KLF8: variants seen among roughly 807,000 people sequenced by gnomAD.
The protein encoded by KLF8 is KLF transcription factor 8.
KLF8 carries 10 observed loss-of-function variants against 18.2 expected under a neutral mutation model. That is an observed-to-expected ratio of 0.55 (90% CI 0.34 to 0.93). The LOEUF is 0.93. Among genes scored for constraint, KLF8 ranks in the 40% least tolerant of loss-of-function variants. The pLI, the probability that KLF8 is intolerant of heterozygous loss-of-function variation, is 0.02. For synonymous variants in KLF8, 109 were observed against 97.3 expected (o/e 1.12, Z -0.71); for missense variants, 264 against 277.9 (o/e 0.95, Z 0.36).
chrX:56,004,427 A>G, the KLF8 span, among the ~76,000 whole-genome samples: 5 of 112,165 alleles, frequency 4.5e-5, no homozygotes, highest in Non-Finnish European at 7.5e-5. Context: ...AAAACCACAA[A>G]GAATAGTGTA....
At chrX:56,214,573 T>A in the KLF8 span, among the ~76,000 whole-genome samples, 5 of 112,272 alleles carry the variant, frequency 4.5e-5, no homozygotes, top group Non-Finnish European at 9.4e-5. Context: ...ATGACTGGTA[T>A]CCTTATGAAA....
chrX:56,147,211 C>T, the KLF8 span, among the ~76,000 whole-genome samples: 1 of 111,826 alleles, frequency 8.9e-6, no homozygotes, highest in South Asian at 3.7e-4. Flanking sequence ...AGAGAAGGAG[C>T]CTAAGGCTTG....
At chrX:56,038,366 A>G in the KLF8 span, among the ~76,000 whole-genome samples, 1 of 111,202 alleles carries the variant, frequency 9.0e-6, no homozygotes, top group Non-Finnish European at 1.9e-5. Context: ...TGATGGTGTC[A>G]CTCACCCCAC....
At chrX:56,146,063 C>T in the KLF8 span, among the ~76,000 whole-genome samples, 3 of 112,053 alleles carry the variant, frequency 2.7e-5, no homozygotes, top group Admixed American at 9.5e-5. Context: ...CAGGAAACAA[C>T]AGATGCTGGA....
chrX:56,081,355 T>A, the KLF8 span, among the ~76,000 whole-genome samples: 65 of 112,220 alleles, frequency 5.8e-4, no homozygotes, highest in South Asian at 0.024. Flanking sequence ...TGATTTGATT[T>A]ATGTATATGG....
At chrX:56,102,039 G>A in the KLF8 span, among the ~76,000 whole-genome samples, 12 of 111,356 alleles carry the variant, frequency 1.1e-4, no homozygotes, top group Non-Finnish European at 2.3e-4. Flanking sequence ...CTGGTATAAA[G>A]AAGGGAATTT....
chrX:56,265,737 T>C lies in KLF8; in HGVS notation c.639T>C (p.Ala213=), dbSNP rs1378820959. 6 of 1,197,087 alleles carry C rather than the reference T, an allele frequency of 5.0e-6. No individual in the cohort carries two copies. The Admixed American group carries it at 6.6e-5, about 13-fold the overall frequency. Residue 213 remains alanine, a synonymous_variant, in exon 3 of 6, where the codon GCT becomes GCC. Transcript: ENST00000468660. ...VPLIGGDGKN[A]GSVKVDPTSM... ...TCATTGGAGGAGATGGTAAAAATGC[T>C]GGATCAGGTAAGTAACAATATTGCC...
At chrX:56,139,340 G>A in the KLF8 span, among the ~76,000 whole-genome samples, 1 of 111,366 alleles carries the variant, frequency 9.0e-6, no homozygotes. Context: ...AGCTCGAACG[G>A]CCAAAACAAT....
chrX:56,016,941 CT>C, the KLF8 span, among the ~76,000 whole-genome samples: 19 of 111,572 alleles, frequency 1.7e-4, no homozygotes, highest in Non-Finnish European at 3.4e-4. Flanking sequence ...ATAAAGTAAA[CT>C]TTTTATAATA....
At chrX:56,131,207 G>A in the KLF8 span, among the ~76,000 whole-genome samples, 1 of 111,840 alleles carries the variant, frequency 8.9e-6, no homozygotes, top group East Asian at 2.8e-4. Context: ...CTAAAGTCAA[G>A]ATGAAGAAAA....
chrX:56,054,315 T>C, the KLF8 span, among the ~76,000 whole-genome samples: 1 of 111,257 alleles, frequency 9.0e-6, no homozygotes, highest in Non-Finnish European at 1.9e-5. Flanking sequence ...GAACAAACTT[T>C]TTGATTTCTA....
At chrX:56,134,958 G>C in the KLF8 span, among the ~76,000 whole-genome samples, 8 of 111,330 alleles carry the variant, frequency 7.2e-5, no homozygotes, top group African/African-American at 2.6e-4. Context: ...CAAAACCACA[G>C]TGCGATACCA....
the KLF8 span, among the ~76,000 whole-genome samples, chrX:56,221,722 T>G: frequency 9.0e-6 from 1 of 111,709 alleles, no homozygotes; most frequent in Non-Finnish European, 1.9e-5. Context: ...GTAGTGAAGC[T>G]GCAGACCTTC....
At chrX:56,070,924 A>G in the KLF8 span, among the ~76,000 whole-genome samples, 2 of 112,461 alleles carry the variant, frequency 1.8e-5, no homozygotes, top group African/African-American at 6.5e-5. Context: ...CACAGACTGT[A>G]TTGGGAATAT....
chrX:56,040,069 T>A, the KLF8 span, among the ~76,000 whole-genome samples: 1 of 111,602 alleles, frequency 9.0e-6, no homozygotes, highest in East Asian at 2.8e-4. Flanking sequence ...TTTTGCACAT[T>A]GCTTTTGTAG....
the KLF8 span, among the ~76,000 whole-genome samples, chrX:56,009,098 C>G: frequency 9.0e-6 from 1 of 110,999 alleles, no homozygotes; most frequent in Non-Finnish European, 1.9e-5. Flanking sequence ...TAAGCTGGTC[C>G]CTGATCCCAT....
the KLF8 span, among the ~76,000 whole-genome samples, chrX:55,929,423 T>G: frequency 2.7e-5 from 3 of 112,614 alleles, no homozygotes; most frequent in African/African-American, 9.7e-5. Flanking sequence ...TTTGGTGTTT[T>G]AGTCATGAAG....
chrX:55,934,829 G>A, the KLF8 span, among the ~76,000 whole-genome samples: 38 of 112,256 alleles, frequency 3.4e-4, no homozygotes, highest in African/African-American at 1.2e-3. Context: ...CCCCTTGGTG[G>A]GGAATGGTGA....
At chrX:56,154,479 T>C in the KLF8 span, among the ~76,000 whole-genome samples, 1 of 111,916 alleles carries the variant, frequency 8.9e-6, no homozygotes, top group African/African-American at 3.3e-5. Context: ...ACTTAAATGT[T>C]AGACCTAAAA....
Sources: allele counts gnomAD v4.1 joint callset (sites outside exome capture counted in the v4.1 genomes callset), GRCh38; gene constraint gnomAD v4.1.1; transcripts MANE v1.5; gene names NCBI Gene and HGNC (gene_info 2026-07-23, HGNC 2026-07-21).